Variants in LPIN2 observed in about 807,000 individuals in gnomAD.
LPIN2 encodes lipin 2.
Under a neutral mutation model 111.4 loss-of-function variants are expected in LPIN2, and 55 were observed. That is an observed-to-expected ratio of 0.49 (90% confidence interval 0.40 to 0.62). The LOEUF (loss-of-function observed/expected upper bound fraction) is 0.62. LPIN2 is among the 20% of genes least tolerant of loss of function. The pLI, the probability that LPIN2 is intolerant of heterozygous loss-of-function variation, is 0.00. For missense variants in LPIN2, 992 were observed against 1,112.1 expected, an observed-to-expected ratio of 0.89 and a Z score of 1.54; for synonymous variants, 425 against 414.0, an observed-to-expected ratio of 1.03 and a Z score of -0.32.
At chr18:2,945,264 C>T (rs2077432850) in intron 4 of LPIN2, among the ~76,000 whole-genome samples, 1 of 152,164 alleles carries the variant, frequency 6.6e-6, no homozygotes, top group African/African-American at 2.4e-5. Context: ...CAAAGAAATA[C>T]TGCAATTATG....
intron 4 of LPIN2, among the ~76,000 whole-genome samples, chr18:2,943,252 T>C (rs1156368301): frequency 1.3e-5 from 2 of 152,154 alleles, no homozygotes; most frequent in Non-Finnish European, 2.9e-5. Context: ...TTATTAACTT[T>C]TTTGACAAAC....
chr18:2,928,588 C>T lies in LPIN2; in HGVS notation c.1620+3G>A. ...AAAGGCAGCAGATGGTGGATCGCCT[C>T]ACCTTAGGCAAGCTCTTCTGGAATA... On this transcript the variant is annotated splice_donor_region_variant and intron_variant, in intron 11 of 19. Transcript: ENST00000677752. The T allele has an allele frequency of 1.2e-6, 2 of 1,614,162 alleles. No homozygotes were observed. The highest frequency in any genetic ancestry group is 1.7e-6 in the Non-Finnish European group (2 of 1,180,016).
At chr18:2,955,864 G>A (rs986200826) in intron 2 of LPIN2, among the ~76,000 whole-genome samples, 11 of 152,058 alleles carry the variant, frequency 7.2e-5, no homozygotes, top group African/African-American at 1.2e-4. Flanking sequence ...GCAGTGAGCC[G>A]AGATCACGCC....
intron 1 of LPIN2, among the ~76,000 whole-genome samples, chr18:3,002,837 T>C (rs2078454511): frequency 6.6e-6 from 1 of 152,214 alleles, no homozygotes; most frequent in African/African-American, 2.4e-5. Flanking sequence ...TACTCCCTTC[T>C]AAGTCCCTCC....
At chr18:2,923,436 A>C (rs2077085215) in intron 16 of LPIN2, among the ~76,000 whole-genome samples, 1 of 151,468 alleles carries the variant, frequency 6.6e-6, no homozygotes, top group Non-Finnish European at 1.5e-5. Context: ...AAAAAAAAAA[A>C]AAAAAAAAAA....
chr18:2,970,672 C>T (rs983701893), intron 1 of LPIN2, among the ~76,000 whole-genome samples: 6 of 152,232 alleles, frequency 3.9e-5, no homozygotes, highest in African/African-American at 1.4e-4. Flanking sequence ...CCTGGCAAAA[C>T]TAGCAAGAAC....
chr18:3,001,512 G>A (rs2078434947), intron 1 of LPIN2, among the ~76,000 whole-genome samples: 1 of 152,110 alleles, frequency 6.6e-6, no homozygotes, highest in Admixed American at 6.6e-5. Flanking sequence ...TTAGAAAATG[G>A]TATTGAGAGC....
intron 1 of LPIN2, chr18:2,982,727 T>G: frequency 4.6e-6 from 6 of 1,303,824 alleles, no homozygotes; most frequent in Non-Finnish European, 6.1e-6. Flanking sequence ...AATGAGCCTT[T>G]ACAAACCACC....
intron 1 of LPIN2, among the ~76,000 whole-genome samples, chr18:2,993,498 C>T (rs890779085): frequency 2.0e-5 from 3 of 152,162 alleles, no homozygotes; most frequent in South Asian, 2.1e-4. Flanking sequence ...TCTGACATTT[C>T]GAAAACTATG....
rs578081438 is a variant in LPIN2 at position 2,987,065 on chromosome 18, GCA to G, written c.-10+26020_-10+26021del. ...CCATTTCACCTCTGAATAGCAGTTTGCACAGTGATGACACCCTTAGGTATACG... is the reference window on the plus strand; with the variant it reads ...CCATTTCACCTCTGAATAGCAGTTTGCAGTGATGACACCCTTAGGTATACG... On this transcript the variant is annotated intron_variant, in intron 1 of 19. Transcript: ENST00000677752. Among the ~76,000 whole-genome samples, 404 of 152,206 alleles carry G rather than the reference GCA, an allele frequency of 2.7e-3. 2 individuals are homozygous for G. Among genetic ancestry groups the G allele is most frequent in the African/African-American group, 9.1e-3 (380 of 41,532 alleles).
chr18:2,987,921 C>T (rs1329428479), intron 1 of LPIN2, among the ~76,000 whole-genome samples: 1 of 150,164 alleles, frequency 6.7e-6, no homozygotes, highest in Non-Finnish European at 1.5e-5. Context: ...CGCCTGTAAT[C>T]CCAGCTACTC....
chr18:2,960,976 A>C (rs2143204535), intron 1 of LPIN2, 127 bp from the exon 2 acceptor site: 1 of 157,322 alleles, frequency 6.4e-6, no homozygotes, highest in Non-Finnish European at 1.4e-5. Context: ...TAGCCTTATT[A>C]ATTTTCAACC....
chr18:2,987,425 C>G (rs574246041), intron 1 of LPIN2, among the ~76,000 whole-genome samples: 1 of 152,294 alleles, frequency 6.6e-6, no homozygotes, highest in South Asian at 2.1e-4. Context: ...ATCATTAAGA[C>G]AATCCAAAGA....
At chr18:2,920,503 G>C in intron 19 of LPIN2, 66 bp from the exon 20 acceptor site, 2 of 1,570,088 alleles carry the variant, frequency 1.3e-6, no homozygotes, top group Non-Finnish European at 1.8e-6. Context: ...CACAAGATGG[G>C]GGGCTGTGAA....
chr18:2,963,050 T>C (rs866316860), intron 1 of LPIN2, among the ~76,000 whole-genome samples: 2 of 152,194 alleles, frequency 1.3e-5, no homozygotes, highest in African/African-American at 4.8e-5. Flanking sequence ...TAAATGCCAG[T>C]TGCTAAATGT....
chr18:2,930,456 G>A (rs989528232), intron 9 of LPIN2, among the ~76,000 whole-genome samples: 1 of 152,194 alleles, frequency 6.6e-6, no homozygotes, highest in African/African-American at 2.4e-5. Flanking sequence ...CCCTGGAAAG[G>A]AAAGACTTCA....
intron 1 of LPIN2, among the ~76,000 whole-genome samples, chr18:3,005,883 A>C (rs974063436): frequency 6.6e-6 from 1 of 152,178 alleles, no homozygotes; most frequent in Non-Finnish European, 1.5e-5. Flanking sequence ...GAACAACAAT[A>C]ATCATAATGA....
At chr18:2,983,212 A>C (rs2143384259) in intron 1 of LPIN2, among the ~76,000 whole-genome samples, 1 of 152,296 alleles carries the variant, frequency 6.6e-6, no homozygotes, top group Non-Finnish European at 1.5e-5. Flanking sequence ...ATTTACAGAC[A>C]TTTTCCGAGC....
At chr18:2,957,168 G>A (rs8096026) in intron 2 of LPIN2, among the ~76,000 whole-genome samples, 57,506 of 152,050 alleles carry the variant, frequency 0.38, 11,206 homozygotes, top group East Asian at 0.62. Context: ...AGAAACAGTC[G>A]ATGTACTAGA....
Sources: gnomAD v4.1 joint callset for allele counts (sites outside exome capture counted in the v4.1 genomes callset) on GRCh38, gnomAD v4.1.1 for gene constraint, MANE v1.5 for transcripts, NCBI Gene and HGNC (gene_info 2026-07-23, HGNC 2026-07-21) for gene names.